Variants in MAGI1 observed in about 807,000 individuals in gnomAD.
MAGI1 encodes the protein membrane-associated guanylate kinase, WW and PDZ domain-containing protein 1.
Under a neutral mutation model 139.9 loss-of-function variants are expected in MAGI1, and 58 were observed. That is an observed-to-expected ratio of 0.41 (90% confidence interval 0.34 to 0.52). The LOEUF (loss-of-function observed/expected upper bound fraction) is 0.52, where lower values mean the gene tolerates loss of function less well. Among genes scored for constraint, MAGI1 ranks in the 20% least tolerant of loss-of-function variants. The probability of loss-of-function intolerance (pLI) is 0.12; values close to 1 mark genes in which losing one functional copy is unlikely to be tolerated. For synonymous variants in MAGI1, 812 were observed against 737.9 expected, an observed-to-expected ratio of 1.10 and a Z score of -1.63; for missense variants, 1,874 against 1,901.6, an observed-to-expected ratio of 0.99 and a Z score of 0.27.
chr3:65,367,017 T>A (rs906478425), intron 18 of MAGI1, among the ~76,000 whole-genome samples: 1 of 152,318 alleles, frequency 6.6e-6, no homozygotes, highest in East Asian at 1.9e-4. Flanking sequence ...AAACAAGCTG[T>A]ATAGCCCATC....
chr3:65,899,114 G>A (rs375206782), intron 1 of MAGI1, among the ~76,000 whole-genome samples: 2 of 151,826 alleles, frequency 1.3e-5, no homozygotes, highest in East Asian at 3.9e-4. Flanking sequence ...GACGGGTTTC[G>A]CCATGTTGCC....
intron 1 of MAGI1, among the ~76,000 whole-genome samples, chr3:65,887,889 A>G (rs1351522098): frequency 6.6e-6 from 1 of 152,184 alleles, no homozygotes; most frequent in African/African-American, 2.4e-5. Context: ...ATCCTAAATG[A>G]TCATGCACAT....
At chr3:65,426,367 A>G (rs1175662222) in intron 12 of MAGI1, among the ~76,000 whole-genome samples, 3 of 152,204 alleles carry the variant, frequency 2.0e-5, no homozygotes, top group African/African-American at 7.2e-5. Context: ...CTTGACAAGA[A>G]CAAATGTCAA....
intron 1 of MAGI1, among the ~76,000 whole-genome samples, chr3:65,670,064 C>A (rs1156273678): frequency 2.6e-5 from 4 of 152,176 alleles, no homozygotes; most frequent in Non-Finnish European, 5.9e-5. Flanking sequence ...GATTTCACCA[C>A]AAATTTGATA....
At chr3:65,365,178 C>T (rs1449895255) in intron 18 of MAGI1, 1 of 712,584 alleles carries the variant, frequency 1.4e-6, no homozygotes, top group East Asian at 2.7e-5. Context: ...GACATCTCCA[C>T]AAATAAAACA....
At chr3:65,502,945 G>C (rs1442011240) in intron 2 of MAGI1, among the ~76,000 whole-genome samples, 1 of 152,126 alleles carries the variant, frequency 6.6e-6, no homozygotes, top group South Asian at 2.1e-4. Flanking sequence ...AGTGGAGAGA[G>C]GGGGTAAAAA....
rs111783414 is a variant in MAGI1, at chr3:65,575,976, T to C, written c.430+45996A>G. Among the ~76,000 whole-genome samples, 996 of 152,296 alleles carry C rather than the reference T, an allele frequency of 6.5e-3. 7 individuals are homozygous for C. Among genetic ancestry groups the C allele is most frequent in the African/African-American group, 0.022 (907 of 41,570 alleles). ...GGGGAGCTAATGTATGTTCGTTTTC[T>C]TAATTGTGGTGCTGGTTTTATGGGT... is the stretch of plus-strand genomic sequence containing the variant. On this transcript the variant is annotated intron_variant, in intron 2 of 22. Coordinates refer to ENST00000402939, the MANE Select transcript of MAGI1 (RefSeq NM_001033057.2).
chr3:65,486,495 G>T (rs779021251), intron 3 of MAGI1, among the ~76,000 whole-genome samples: 3 of 152,068 alleles, frequency 2.0e-5, no homozygotes, highest in Non-Finnish European at 4.4e-5. Flanking sequence ...AAAAAGAAAA[G>T]CAAGGGAAAA....
intron 1 of MAGI1, among the ~76,000 whole-genome samples, chr3:65,635,002 C>T (rs1182877482): frequency 6.6e-6 from 1 of 152,050 alleles, no homozygotes; most frequent in Non-Finnish European, 1.5e-5. Flanking sequence ...GCTGGTGAAT[C>T]CTGGTGATGG....
intron 1 of MAGI1, among the ~76,000 whole-genome samples, chr3:65,662,755 ATAT>A (rs1189162015): frequency 2.6e-5 from 4 of 152,148 alleles, no homozygotes; most frequent in Admixed American, 2.6e-4. Context: ...CCAGTATACG[ATAT>A]TATTAACTAT....
chr3:65,691,915 C>T (rs2088699602), intron 1 of MAGI1, among the ~76,000 whole-genome samples: 1 of 152,146 alleles, frequency 6.6e-6, no homozygotes, highest in Non-Finnish European at 1.5e-5. Context: ...ACCTAAAATC[C>T]TGCTTGATGC....
intron 1 of MAGI1, among the ~76,000 whole-genome samples, chr3:65,649,904 G>A (rs893563513): frequency 6.6e-6 from 1 of 152,162 alleles, no homozygotes; most frequent in Non-Finnish European, 1.5e-5. Flanking sequence ...TGCCTGTGGG[G>A]ATGTTAAAAT....
chr3:65,506,767 TTAAA>T (rs1281429915), intron 2 of MAGI1, among the ~76,000 whole-genome samples: 1 of 152,170 alleles, frequency 6.6e-6, no homozygotes, highest in East Asian at 1.9e-4. Context: ...CCTTCTATAA[TTAAA>T]TGAATGTGAT....
chr3:65,935,742 A>AT (rs1460522247), intron 1 of MAGI1, among the ~76,000 whole-genome samples: 1 of 152,252 alleles, frequency 6.6e-6, no homozygotes, highest in Non-Finnish European at 1.5e-5. Flanking sequence ...AAGGGCCTCA[A>AT]GGGGCCTTGC....
chr3:65,849,846 T>C (rs978851836), intron 1 of MAGI1, among the ~76,000 whole-genome samples: 7 of 152,280 alleles, frequency 4.6e-5, no homozygotes, highest in East Asian at 1.9e-4. Flanking sequence ...CACTAAAGAT[T>C]TGATGTCAGT....
chr3:65,915,594 G>T (rs1177637233), intron 1 of MAGI1, among the ~76,000 whole-genome samples: 1 of 152,110 alleles, frequency 6.6e-6, no homozygotes, highest in Non-Finnish European at 1.5e-5. Flanking sequence ...ACACACAGGT[G>T]CTTCCTACCT....
intron 2 of MAGI1, among the ~76,000 whole-genome samples, chr3:65,554,693 G>A (rs1484072362): frequency 6.6e-6 from 1 of 152,102 alleles, no homozygotes; most frequent in Non-Finnish European, 1.5e-5. Flanking sequence ...ACCCACCAAA[G>A]GTCCCACTTC....
At chr3:65,793,825 A>C (rs186498207) in intron 1 of MAGI1, among the ~76,000 whole-genome samples, 3 of 152,360 alleles carry the variant, frequency 2.0e-5, no homozygotes, top group Admixed American at 2.0e-4. Context: ...TTGCACAGCT[A>C]TATCTCTGCA....
In MAGI1 at chr3:65,434,797, C is replaced by T. The variant is rs537738676; in HGVS notation, c.1363+2358G>A. On this transcript the variant is annotated intron_variant, in intron 10 of 22. Coordinates refer to ENST00000402939, the MANE Select transcript of MAGI1 (RefSeq NM_001033057.2). ...CCAAAGATTATAAAAGTGCTTGAAA[C>T]GTGTGGATCAACAGAGAGACTACAC... Among the ~76,000 whole-genome samples, 11 of 152,088 alleles carry T rather than the reference C, an allele frequency of 7.2e-5. No homozygotes were observed. The South Asian group carries it at 1.5e-3, about 20-fold the overall frequency.
Sources: gnomAD v4.1 joint callset for allele counts (sites outside exome capture counted in the v4.1 genomes callset) on GRCh38, gnomAD v4.1.1 for gene constraint, MANE v1.5 for transcripts, NCBI Gene and HGNC (gene_info 2026-07-23, HGNC 2026-07-21) for gene names.